GIGYF2: variants seen among roughly 807,000 people sequenced by gnomAD.
GIGYF2 encodes the protein GRB10 interacting GYF protein 2.
In GIGYF2, 25 loss-of-function variants were observed where a neutral mutation model predicts 208.1. The ratio of observed to expected loss-of-function variants is 0.12; its 90% CI spans 0.09 to 0.17. The LOEUF (loss-of-function observed/expected upper bound fraction) is 0.17. GIGYF2 is among the 10% of genes least tolerant of loss of function. The pLI, the probability that GIGYF2 is intolerant of heterozygous loss-of-function variation, is 1.00. For missense variants in GIGYF2, 1,302 were observed against 1,579.4 expected, an observed-to-expected ratio of 0.82 and a Z score of 2.98; for synonymous variants, 534 against 543.8, an observed-to-expected ratio of 0.98 and a Z score of 0.25.
chr2:232,851,771 T>G (rs1559170731), intron 28 of GIGYF2, among the ~76,000 whole-genome samples: 2 of 152,250 alleles, frequency 1.3e-5, no homozygotes, highest in Admixed American at 1.3e-4. Context: ...TAAAACCATG[T>G]TGTCTGCAAT....
chr2:232,744,069 C>T (rs1698062117), intron 3 of GIGYF2, among the ~76,000 whole-genome samples: 1 of 152,132 alleles, frequency 6.6e-6, no homozygotes, highest in South Asian at 2.1e-4. Context: ...TGGTCTCAAA[C>T]TCCTGGTCTC....
intron 18 of GIGYF2, among the ~76,000 whole-genome samples, 177 bp downstream of exon 18, chr2:232,812,668 C>G (rs1270242612): frequency 6.6e-6 from 1 of 151,912 alleles, no homozygotes; most frequent in African/African-American, 2.4e-5. Context: ...TGAAAATATA[C>G]TTTTAAGGAT....
chr2:232,785,087 TTC>T (rs200482727), intron 8 of GIGYF2, among the ~76,000 whole-genome samples: 6 of 149,648 alleles, frequency 4.0e-5, no homozygotes, highest in African/African-American at 1.2e-4. Flanking sequence ...CAACTTCTTC[TTC>T]TTTTTTTTTT....
intron 18 of GIGYF2, among the ~76,000 whole-genome samples, chr2:232,813,881 ATTTTTTTTTTTT>A (rs397871962): frequency 5.4e-4 from 40 of 73,546 alleles, no homozygotes; most frequent in Admixed American, 9.8e-4. Flanking sequence ...TCACAAGTGG[ATTTTTTTTTTTT>A]TTTTTTTTTT....
intron 14 of GIGYF2, among the ~76,000 whole-genome samples, chr2:232,799,238 G>C (rs957364986): frequency 6.6e-6 from 1 of 151,958 alleles, no homozygotes; most frequent in Non-Finnish European, 1.5e-5. Context: ...TCATGTTATA[G>C]TTATTGTGAA....
Position 232,823,363 on chromosome 2 carries a change from C to CTTTTT in GIGYF2, c.2529+3381_2529+3382insTTTTT, listed in dbSNP as rs368386641. On this transcript the variant is annotated intron_variant, in intron 21 of 28. Coordinates refer to ENST00000373563, the MANE Select transcript of GIGYF2 (RefSeq NM_001103146.3). ...TTTTCTTTCTCTTTTTCCTTTCTTT[C>CTTTTT]TTTCTTTTTTTTTTTTTTTATTGAG... Among the ~76,000 whole-genome samples the CTTTTT allele has an allele frequency of 4.8e-5, 4 of 83,630 alleles. 1 individual carries two copies. The highest frequency in any genetic ancestry group is 7.5e-5 in the Non-Finnish European group (3 of 40,132). The allele number at this position is 83,630 out of a possible 152,430, so 54.9% of individuals were successfully genotyped here. A position where few individuals can be genotyped will look rare whatever the true frequency, so the allele number is the denominator to read the frequency against.
chr2:232,791,468 C>T, intron 12 of GIGYF2, 22 bp downstream of exon 12: 1 of 1,602,014 alleles, frequency 6.2e-7, no homozygotes, highest in Non-Finnish European at 8.5e-7. Context: ...TGGGAATAGA[C>T]AAGCTAAAAT....
intron 5 of GIGYF2, among the ~76,000 whole-genome samples, chr2:232,752,840 T>C (rs1242192998): frequency 6.6e-6 from 1 of 151,824 alleles, no homozygotes; most frequent in Non-Finnish European, 1.5e-5. Flanking sequence ...GCGCCTGGCC[T>C]ATTTATTCAT....
At chr2:232,704,856 ATTTTTT>A (rs10689292) in intron 2 of GIGYF2, among the ~76,000 whole-genome samples, 1 of 101,958 alleles carries the variant, frequency 9.8e-6, no homozygotes, top group Admixed American at 1.3e-4. Context: ...TAACTTCTGG[ATTTTTT>A]TTTTTTTTTT....
intron 13 of GIGYF2, 80 bp from the exon 14 acceptor site, chr2:232,795,982 A>C: frequency 1.0e-6 from 1 of 993,158 alleles, no homozygotes; most frequent in Non-Finnish European, 1.6e-6. Flanking sequence ...TCCAAAAAAA[A>C]GGGGCAGGCA....
At chr2:232,768,446 C>T (rs750831125) in intron 8 of GIGYF2, 2 of 1,614,192 alleles carry the variant, frequency 1.2e-6, no homozygotes, top group South Asian at 2.2e-5. Context: ...CTCCAGTGCC[C>T]TCCTGCATTG....
rs761295360 is a variant in GIGYF2, at chr2:232,815,632, T to TA, written c.2108-4dup. The stretch of plus-strand genomic sequence containing the variant: ...TTCCTCGTTGTTTCTTTTGTTGTCT[T>TA]ACAGTTTGGGAAGGTGGTAGTGTAT... On this transcript the variant is annotated splice_polypyrimidine_tract_variant and splice_region_variant and intron_variant, in intron 18 of 28. Coordinates refer to ENST00000373563, the MANE Select transcript of GIGYF2 (RefSeq NM_001103146.3). 2 of 1,457,074 alleles carry TA rather than the reference T, an allele frequency of 1.4e-6. No homozygotes were observed. Among genetic ancestry groups the TA allele is most frequent in the South Asian group, 2.3e-5 (2 of 87,890 alleles). The allele number at this position is 1,457,074 out of a possible 1,614,324, so 90.3% of individuals were successfully genotyped here.
intron 8 of GIGYF2, chr2:232,770,824 T>C (rs1279187887): frequency 2.1e-6 from 2 of 936,778 alleles, no homozygotes; most frequent in Non-Finnish European, 1.7e-6. Context: ...TATAACTGAC[T>C]ATACCCTTTC....
chr2:232,845,770 TAGA>T lies in GIGYF2; in HGVS notation c.3355_3357del (p.Glu1119del), dbSNP rs778465624. The T allele has an allele frequency of 1.4e-5, 22 of 1,608,090 alleles. No individual in the cohort carries two copies. Among genetic ancestry groups the T allele is most frequent in the Middle Eastern group, 1.7e-4 (1 of 6,054 alleles). ...GTGTCTAACCGGCAGAATAAGAAAG[TAGA>T]AGAAGAAGAAAAGTTGCTGAAGCTC... On this transcript the variant is annotated inframe_deletion, in exon 26 of 29. Transcript: ENST00000373563.
intron 2 of GIGYF2, among the ~76,000 whole-genome samples, chr2:232,721,266 G>T (rs1279472723): frequency 6.6e-6 from 1 of 152,200 alleles, no homozygotes; most frequent in African/African-American, 2.4e-5. Flanking sequence ...AAGTCCATCT[G>T]ATCTTCATAC....
chr2:232,728,150 T>C (rs958789630), intron 2 of GIGYF2, among the ~76,000 whole-genome samples: 8 of 152,142 alleles, frequency 5.3e-5, no homozygotes, highest in African/African-American at 1.9e-4. Context: ...GGGAAGGGTA[T>C]GTCATAGCAC....
At chr2:232,794,671 T>C in intron 12 of GIGYF2, 77 bp from the exon 13 acceptor site, 1 of 1,125,840 alleles carries the variant, frequency 8.9e-7, no homozygotes, top group Non-Finnish European at 1.4e-6. Flanking sequence ...TAGCAGGCTG[T>C]GCGACTTGAT....
At position 232,723,953 on chromosome 2, in the gene GIGYF2, C is replaced by T. The variant is rs546483387; in HGVS notation, c.-43-11202C>T. ...GGGTTTCTCCATGTTAGGCTGGTCT[C>T]GAATTCCCGACCTCAGGTGATACGC... On this transcript the variant is annotated intron_variant, in intron 2 of 28. Transcript: ENST00000373563. Among the ~76,000 whole-genome samples, 9 of 149,926 alleles carry T rather than the reference C, an allele frequency of 6.0e-5. No homozygotes were observed. In the East Asian group the frequency reaches 1.4e-3, roughly 23 times the overall value.
intron 5 of GIGYF2, among the ~76,000 whole-genome samples, chr2:232,754,016 T>C (rs968840555): frequency 6.6e-6 from 1 of 151,838 alleles, no homozygotes; most frequent in African/African-American, 2.4e-5. Context: ...ATAGAAAAAA[T>C]TAGCCAGGCA....
Sources: allele counts gnomAD v4.1 joint callset (sites outside exome capture counted in the v4.1 genomes callset), GRCh38; gene constraint gnomAD v4.1.1; transcripts MANE v1.5; gene names NCBI Gene and HGNC (gene_info 2026-07-23, HGNC 2026-07-21).